The following DPP10 variants were observed in gnomAD, a reference collection of about 807,000 sequenced individuals.
The protein encoded by DPP10 is dipeptidyl peptidase like 10, also known as inactive dipeptidyl peptidase 10.
DPP10 carries 33 observed loss-of-function variants against 120.9 expected under a neutral mutation model. The ratio of observed to expected loss-of-function variants is 0.27; its 90% CI spans 0.21 to 0.37. The LOEUF (loss-of-function observed/expected upper bound fraction) is 0.37. Among genes scored for constraint, DPP10 ranks in the 10% least tolerant of loss-of-function variants. DPP10 has a pLI of 1.00. For synonymous variants in DPP10, 337 were observed against 326.1 expected (o/e 1.03, Z -0.36); for missense variants, 816 against 942.8 (o/e 0.87, Z 1.76).
At chr2:114,526,726 G>T (rs1038713934) in intron 1 of DPP10, among the ~76,000 whole-genome samples, 1 of 151,990 alleles carries the variant, frequency 6.6e-6, no homozygotes, top group African/African-American at 2.4e-5. Context: ...GAGCCCTCTT[G>T]GGTCTCTTTT....
chr2:115,372,083 G>A (rs550258801), intron 3 of DPP10, among the ~76,000 whole-genome samples: 14 of 152,164 alleles, frequency 9.2e-5, no homozygotes, highest in African/African-American at 3.1e-4. Context: ...ATGTATTAAA[G>A]TGTATAAAAT....
chr2:114,883,751 G>A (rs1691833723), intron 1 of DPP10, among the ~76,000 whole-genome samples: 1 of 152,158 alleles, frequency 6.6e-6, no homozygotes, highest in African/African-American at 2.4e-5. Context: ...GATCTCACCT[G>A]GGCTCGGGCT....
intron 1 of DPP10, among the ~76,000 whole-genome samples, chr2:115,270,730 A>G (rs1475247471): frequency 6.6e-6 from 1 of 152,234 alleles, no homozygotes; most frequent in Non-Finnish European, 1.5e-5. Context: ...TATGACACAC[A>G]TGCTCATTGC....
At position 114,754,376 on chromosome 2, in the gene DPP10, G is replaced by A. The variant is rs142395267; in HGVS notation, c.60+311538G>A. Among the ~76,000 whole-genome samples the A allele has an allele frequency of 3.7e-4, 57 of 152,276 alleles. 1 individual carries two copies. The highest frequency in any genetic ancestry group is 1.2e-3 in the African/African-American group (49 of 41,544). On this transcript the variant is annotated intron_variant, in intron 1 of 25. Coordinates refer to ENST00000410059, the MANE Select transcript of DPP10 (RefSeq NM_020868.6). ...TTTTATATCATTGCCCATTCAGTTC[G>A]CAGGCATTGAGAGCATAACTAGTAG...
intron 1 of DPP10, among the ~76,000 whole-genome samples, chr2:114,599,228 T>C (rs1267751057): frequency 6.6e-6 from 1 of 151,900 alleles, no homozygotes; most frequent in African/African-American, 2.4e-5. Flanking sequence ...AGGTTTGTAA[T>C]TTTTTCCCTT....
At chr2:114,780,636 C>T (rs1682239745) in intron 1 of DPP10, among the ~76,000 whole-genome samples, 2 of 151,872 alleles carry the variant, frequency 1.3e-5, no homozygotes, top group South Asian at 4.2e-4. Context: ...ATACAACATT[C>T]CTCAAAAATG....
intron 1 of DPP10, among the ~76,000 whole-genome samples, chr2:115,025,616 C>A (rs1703403762): frequency 6.6e-6 from 1 of 152,046 alleles, no homozygotes; most frequent in Admixed American, 6.6e-5. Flanking sequence ...ATTTACATTC[C>A]CACCAACAGT....
intron 1 of DPP10, among the ~76,000 whole-genome samples, chr2:114,717,925 T>C (rs1472705010): frequency 1.3e-5 from 2 of 152,186 alleles, no homozygotes; most frequent in Non-Finnish European, 1.5e-5. Flanking sequence ...ATGAGACATA[T>C]TGTAAGAAAC....
rs139094664 is a variant in DPP10 at position 115,021,828 on chromosome 2, C to T, written c.61-287411C>T. ...TAATCCACTGTGATCAAGTGGGTTT[C>T]ATACCAGGGATGCAGGAATGGATTA... is the stretch of plus-strand genomic sequence containing the variant. On this transcript the variant is annotated intron_variant, in intron 1 of 25. Transcript: ENST00000410059. Among the ~76,000 whole-genome samples the T allele has an allele frequency of 5.6e-3, 854 of 152,152 alleles. 9 individuals carry two copies. Among genetic ancestry groups the T allele is most frequent in the African/African-American group, 0.019 (806 of 41,536 alleles).
chr2:114,596,819 C>T (rs1289446295), intron 1 of DPP10, among the ~76,000 whole-genome samples: 1 of 152,006 alleles, frequency 6.6e-6, no homozygotes, highest in Non-Finnish European at 1.5e-5. Context: ...CAATCTGGGC[C>T]TTTTAACTCC....
chr2:114,617,865 A>G (rs1693792935), intron 1 of DPP10, among the ~76,000 whole-genome samples: 2 of 152,066 alleles, frequency 1.3e-5, no homozygotes, highest in South Asian at 2.1e-4. Context: ...GTGTCTCCTT[A>G]TCCTATGAAT....
At chr2:115,023,340 C>T (rs1167479735) in intron 1 of DPP10, among the ~76,000 whole-genome samples, 1 of 151,670 alleles carries the variant, frequency 6.6e-6, no homozygotes, top group Non-Finnish European at 1.5e-5. Flanking sequence ...AGGACATGAA[C>T]AGACAATTCT....
chr2:114,575,878 C>T (rs1472729133), intron 1 of DPP10, among the ~76,000 whole-genome samples: 1 of 152,140 alleles, frequency 6.6e-6, no homozygotes, highest in East Asian at 1.9e-4. Context: ...TCATCCCCAC[C>T]CCCTCCACTT....
chr2:115,845,725 A>G lies in DPP10; in HGVS notation c.*3380A>G, dbSNP rs1575983306. 2 of 152,346 alleles carry G rather than the reference A, an allele frequency of 1.3e-5. No individual in the cohort carries two copies. The highest frequency in any genetic ancestry group is 3.9e-4 in the East Asian group (2 of 5,186). 9.4% of individuals were successfully genotyped at this position (152,346 alleles called of 1,614,324 possible). ...TGAATATTACAGGAGGAGAAATAAA[A>G]TAAGAATAAATCAGTGGTTTATTTT... On this transcript the variant is annotated 3_prime_UTR_variant, in exon 26 of 26. Coordinates refer to ENST00000410059, the MANE Select transcript of DPP10 (RefSeq NM_020868.6).
At chr2:115,119,782 A>G (rs1338968831) in intron 1 of DPP10, among the ~76,000 whole-genome samples, 1 of 152,126 alleles carries the variant, frequency 6.6e-6, no homozygotes, top group Non-Finnish European at 1.5e-5. Flanking sequence ...ATTATTTGGA[A>G]TTTGATGGCC....
intron 1 of DPP10, among the ~76,000 whole-genome samples, chr2:114,609,028 C>T (rs1187651995): frequency 2.0e-5 from 3 of 151,318 alleles, no homozygotes; most frequent in African/African-American, 7.3e-5. Flanking sequence ...GCATATACCC[C>T]AAGAATCTAA....
intron 1 of DPP10, among the ~76,000 whole-genome samples, chr2:115,220,568 A>C (rs543089593): frequency 5.7e-4 from 87 of 152,234 alleles, no homozygotes; most frequent in African/African-American, 1.9e-3. Flanking sequence ...AAATTTAAAA[A>C]AGGAAAATAA....
At chr2:114,848,053 G>A (rs901504493) in intron 1 of DPP10, among the ~76,000 whole-genome samples, 1 of 152,280 alleles carries the variant, frequency 6.6e-6, no homozygotes. Flanking sequence ...AAAGCCCTAA[G>A]GGGTCAAGGA....
At chr2:114,649,476 G>A (rs1696407957) in intron 1 of DPP10, among the ~76,000 whole-genome samples, 3 of 151,914 alleles carry the variant, frequency 2.0e-5, no homozygotes, top group Admixed American at 2.0e-4. Flanking sequence ...ATTCTCCCGA[G>A]TAGCTGGGAC....
Sources: allele counts gnomAD v4.1 joint callset (sites outside exome capture counted in the v4.1 genomes callset), GRCh38; gene constraint gnomAD v4.1.1; transcripts MANE v1.5; gene names NCBI Gene and HGNC (gene_info 2026-07-23, HGNC 2026-07-21).